TRIM59: variants seen among roughly 807,000 people sequenced by gnomAD.
TRIM59 encodes tripartite motif containing 59.
Under a neutral mutation model 32.2 loss-of-function variants are expected in TRIM59, and 14 were observed. The ratio of observed to expected loss-of-function variants is 0.43; its 90% CI spans 0.29 to 0.68. The LOEUF is 0.68. Among genes scored for constraint, TRIM59 ranks in the 30% least tolerant of loss-of-function variants. The pLI is 0.15. For synonymous variants in TRIM59, 163 were observed against 155.1 expected, an observed-to-expected ratio of 1.05 and a Z score of -0.38; for missense variants, 471 against 463.3, an observed-to-expected ratio of 1.02 and a Z score of -0.15.
chr3:160,441,627 G>A (rs868212054), intron 2 of TRIM59, among the ~76,000 whole-genome samples: 2 of 151,642 alleles, frequency 1.3e-5, no homozygotes, highest in African/African-American at 2.4e-5. Context: ...GGTGGTGGGC[G>A]CCTGTAGTCC....
At chr3:160,445,796 T>C (rs1453572501) in intron 2 of TRIM59, among the ~76,000 whole-genome samples, 1 of 144,378 alleles carries the variant, frequency 6.9e-6, no homozygotes, top group Non-Finnish European at 1.5e-5. Context: ...AAAAAAAAAT[T>C]GCTAGAACTG....
In TRIM59 at chr3:160,438,250, T is replaced by C; in HGVS notation, c.934A>G (p.Met312Val). The C allele has an allele frequency of 6.2e-7, 1 of 1,613,872 alleles. No homozygotes were observed. The highest frequency in any genetic ancestry group is 1.3e-5 in the African/African-American group (1 of 75,064). The change falls in exon 3 of 3, where the codon ATG becomes GTG. Residue 312 changes from methionine to valine, a missense_variant. Physicochemically the swap from Met to Val is conservative, Grantham distance 21. Coordinates refer to ENST00000309784, the MANE Select transcript of TRIM59 (RefSeq NM_173084.3). ...IPKMKISPKR[M>V]SCSWPGKDEK... is the part of the protein sequence containing the mutation. ...TCCTTACCAGGCCAGGAACATGACA[T>C]CCTTTTTGGAGAAATTTTCATTTTG...
chr3:160,449,487 G>C, intron 1 of TRIM59: 1 of 1,199,194 alleles, frequency 8.3e-7, no homozygotes, highest in Non-Finnish European at 1.1e-6. Flanking sequence ...CCACCACAGA[G>C]GGCCTCCTCC....
chr3:160,443,386 G>GA (rs199758383), intron 2 of TRIM59, among the ~76,000 whole-genome samples: 65 of 151,618 alleles, frequency 4.3e-4, no homozygotes, highest in African/African-American at 8.9e-4. Flanking sequence ...ATTCTCAGGG[G>GA]AAAAAAAATG....
In TRIM59 at chr3:160,438,358, CAACGGGTTG is replaced by C. The variant is rs1165861569; in HGVS notation, c.817_825del (p.Gln273_Val275del). The C allele has an allele frequency of 6.2e-7, 1 of 1,613,550 alleles. No homozygotes were observed. The highest frequency in any genetic ancestry group is 1.7e-5 in the Admixed American group (1 of 59,972). On this transcript the variant is annotated inframe_deletion, in exon 3 of 3. Transcript: ENST00000309784. ...ATTTTGCTTACTCGAGGATAAATTT[CAACGGGTTG>C]AACCTCAGGAAGTGGTCTTTGTTTC...
chr3:160,440,604 G>A (rs1234532347), intron 2 of TRIM59, among the ~76,000 whole-genome samples: 1 of 152,098 alleles, frequency 6.6e-6, no homozygotes, highest in African/African-American at 2.4e-5. Flanking sequence ...AGTACCTTAG[G>A]CAAAACTTAA....
chr3:160,446,133 TAAAC>T (rs1238532319), intron 2 of TRIM59, among the ~76,000 whole-genome samples: 2 of 152,018 alleles, frequency 1.3e-5, no homozygotes, highest in East Asian at 1.9e-4. Flanking sequence ...TTTAAGTAAA[TAAAC>T]AAGCCATTAG....
chr3:160,445,971 C>A (rs1719509657), intron 2 of TRIM59, among the ~76,000 whole-genome samples: 1 of 151,826 alleles, frequency 6.6e-6, no homozygotes, highest in Non-Finnish European at 1.5e-5. Context: ...AACACACATG[C>A]CTAATGTTTT....
Position 160,436,945 on chromosome 3 carries a change from A to G in TRIM59, c.*1027T>C, listed in dbSNP as rs1384251868. On this transcript the variant is annotated 3_prime_UTR_variant, in exon 3 of 3. Coordinates refer to ENST00000309784, the MANE Select transcript of TRIM59 (RefSeq NM_173084.3). ...ACCTGTTGCAGACCAAGTTACCAAC[A>G]TGATTCTGTTCTAATAAGAATGAGT... 3.0e-6 allele frequency: 3 copies of G among 985,290 alleles called. No homozygotes were observed. The highest frequency in any genetic ancestry group is 3.6e-6 in the Non-Finnish European group (3 of 829,932). The allele number at this position is 985,290 out of a possible 1,614,324, so 61.0% of individuals were successfully genotyped here.
chr3:160,441,753 C>CAAAAAAAAAAAAAAAA (rs538957200), intron 2 of TRIM59, among the ~76,000 whole-genome samples: 1 of 50,116 alleles, frequency 2.0e-5, no homozygotes, highest in Non-Finnish European at 4.6e-5. Flanking sequence ...GACTCCATCT[C>CAAAAAAAAAAAAAAAA]AAAAAAAAAA....
Position 160,438,254 on chromosome 3 carries a change from T to A in TRIM59, c.930A>T (p.Lys310Asn), listed in dbSNP as rs746236973. ...TACCAGGCCAGGAACATGACATCCT[T>A]TTTGGAGAAATTTTCATTTTGGGAA... is the stretch of plus-strand genomic sequence containing the variant. ...VLIPKMKISP[K>N]RMSCSWPGKD... is the part of the protein sequence containing the mutation. The change falls in exon 3 of 3, where the codon AAA becomes AAT. Residue 310 changes from lysine to asparagine, a missense_variant. Physicochemically the swap from Lys to Asn is moderately conservative, Grantham distance 94 (BLOSUM62 0). Coordinates refer to ENST00000309784, the MANE Select transcript of TRIM59 (RefSeq NM_173084.3). 1 of 1,613,870 alleles carries A rather than the reference T, an allele frequency of 6.2e-7. No individual in the cohort carries two copies. Among genetic ancestry groups the A allele is most frequent in the Non-Finnish European group, 8.5e-7 (1 of 1,179,972 alleles).
At chr3:160,444,278 T>A (rs1279459887) in intron 2 of TRIM59, among the ~76,000 whole-genome samples, 2 of 152,126 alleles carry the variant, frequency 1.3e-5, no homozygotes, top group East Asian at 3.9e-4. Context: ...AAAAGAAATG[T>A]TAAAGCAGAT....
intron 1 of TRIM59, 106 bp from the exon 2 acceptor site, chr3:160,448,901 T>C (rs1459308581): frequency 1.1e-5 from 6 of 568,614 alleles, no homozygotes; most frequent in South Asian, 1.8e-5. Flanking sequence ...CGATGCTTCA[T>C]CGTGTTTTCA....
intron 2 of TRIM59, among the ~76,000 whole-genome samples, chr3:160,448,479 T>G (rs1719649709): frequency 1.3e-5 from 2 of 152,356 alleles, no homozygotes; most frequent in South Asian, 4.1e-4. Flanking sequence ...GATGTACACA[T>G]TCTTGTAAAA....
chr3:160,438,920 T>G lies in TRIM59; in HGVS notation c.264A>C (p.Gln88His), dbSNP rs78209671. 1,029 of 1,614,144 alleles carry G rather than the reference T, an allele frequency of 6.4e-4. 3 individuals are homozygous for G. In the African/African-American group the frequency reaches 0.012, roughly 18 times the overall value. The change falls in exon 3 of 3, where the codon CAA (glutamine) becomes CAC (histidine). Residue 88 changes from glutamine (Q) to histidine (H), a missense_variant. By Grantham distance (24) the Gln-to-His change is conservative. Coordinates refer to ENST00000309784, the MANE Select transcript of TRIM59 (RefSeq NM_173084.3). The stretch of plus-strand genomic sequence containing the variant: ...AGGTGACAATATCTGGATGGTCTTC[T>G]TGCTGGTACTTTTCAATAATAGCCC... ...ALRAIIEKYQ[Q>H]EDHPDIVTCP...
At chr3:160,439,301 C>A (rs1007753705) in intron 2 of TRIM59, 115 bp from the exon 3 acceptor site, 2 of 831,012 alleles carry the variant, frequency 2.4e-6, no homozygotes, top group Non-Finnish European at 3.4e-6. Context: ...TAAAAGAGAA[C>A]AAGGTATTTT....
rs1046005622 is a variant in TRIM59 at position 160,436,342 on chromosome 3, A to C, written c.*1630T>G. The stretch of plus-strand genomic sequence containing the variant: ...ATAGGTAAGGCTCTTCGGTGATCCA[A>C]GAGCAGCCCCTTTGGGATTTCTGGA... On this transcript the variant is annotated 3_prime_UTR_variant, in exon 3 of 3. Transcript: ENST00000309784. 2 of 986,012 alleles carry C rather than the reference A, an allele frequency of 2.0e-6. No individual in the cohort carries two copies. The highest frequency in any genetic ancestry group is 6.1e-5 in the Admixed American group (1 of 16,292). The allele number at this position is 986,012 out of a possible 1,614,324, so 61.1% of individuals were successfully genotyped here.
At chr3:160,441,382 T>A (rs1274294773) in intron 2 of TRIM59, among the ~76,000 whole-genome samples, 4 of 152,200 alleles carry the variant, frequency 2.6e-5, no homozygotes, top group Admixed American at 6.5e-5. Context: ...ATTTTTGTTT[T>A]GGGGTTTTTT....
At chr3:160,442,237 G>C (rs1394855761) in intron 2 of TRIM59, among the ~76,000 whole-genome samples, 1 of 152,066 alleles carries the variant, frequency 6.6e-6, no homozygotes, top group African/African-American at 2.4e-5. Flanking sequence ...GAAAACTAGG[G>C]AACAACTCTG....
Sources: gnomAD v4.1 joint callset for allele counts (sites outside exome capture counted in the v4.1 genomes callset) on GRCh38, gnomAD v4.1.1 for gene constraint, MANE v1.5 for transcripts, NCBI Gene and HGNC (gene_info 2026-07-23, HGNC 2026-07-21) for gene names.